Variants in MLLT3 observed in about 807,000 individuals in gnomAD.
The protein encoded by MLLT3 is MLLT3 super elongation complex subunit.
In MLLT3, 4 loss-of-function variants were observed where a neutral mutation model predicts 53.2. The observed-to-expected ratio is 0.08, with a 90% CI of 0.04 to 0.17. The LOEUF (loss-of-function observed/expected upper bound fraction) is 0.17. Ranked by LOEUF, MLLT3 falls within the 10% of genes least tolerant of loss-of-function variation. MLLT3 has a pLI of 1.00. For missense variants in MLLT3, 569 were observed against 684.0 expected (o/e 0.83, Z 1.87); for synonymous variants, 283 against 230.6 (o/e 1.23, Z -2.06).
chr9:20,516,307 G>C (rs1384181953), intron 2 of MLLT3, among the ~76,000 whole-genome samples: 1 of 152,026 alleles, frequency 6.6e-6, no homozygotes, highest in Non-Finnish European at 1.5e-5. Context: ...ACTCCAATCT[G>C]ATAGGCAGCC....
chr9:20,443,728 T>C (rs1266662613), intron 4 of MLLT3, among the ~76,000 whole-genome samples: 1 of 152,192 alleles, frequency 6.6e-6, no homozygotes, highest in Non-Finnish European at 1.5e-5. Flanking sequence ...CATCTGCTGA[T>C]ATTCTAAACT....
intron 5 of MLLT3, among the ~76,000 whole-genome samples, chr9:20,383,168 T>C (rs1437722036): frequency 6.6e-6 from 1 of 151,928 alleles, no homozygotes; most frequent in Non-Finnish European, 1.5e-5. Context: ...TTGTGTTGTA[T>C]ATATGCATAC....
chr9:20,505,576 T>TA (rs1346914979), intron 2 of MLLT3, among the ~76,000 whole-genome samples: 7 of 152,366 alleles, frequency 4.6e-5, no homozygotes, highest in Admixed American at 4.6e-4. Flanking sequence ...GGTTAGCCTA[T>TA]AAGTTCTAAA....
rs574169575 is a variant in MLLT3, at chr9:20,405,854, G to A, written c.1125+7867C>T. On this transcript the variant is annotated intron_variant, in intron 5 of 10. Transcript: ENST00000380338. ...TGGCCGGGTGTGGTGGCTCATGTCT[G>A]TAATCCCAGCACGTTGGGAGGCCAA... Among the ~76,000 whole-genome samples the A allele has an allele frequency of 8.5e-4, 130 of 152,242 alleles. 1 individual carries two copies. The highest frequency in any genetic ancestry group is 1.3e-3 in the Non-Finnish European group (86 of 68,018).
chr9:20,351,181 C>G (rs1821019787), intron 10 of MLLT3, among the ~76,000 whole-genome samples: 1 of 152,206 alleles, frequency 6.6e-6, no homozygotes, highest in Non-Finnish European at 1.5e-5. Flanking sequence ...GGAGGGTTCT[C>G]TGGGTTCTTA....
At chr9:20,600,142 A>T (rs1264110324) in intron 2 of MLLT3, among the ~76,000 whole-genome samples, 4 of 48,190 alleles carry the variant, frequency 8.3e-5, no homozygotes, top group Non-Finnish European at 2.0e-4. Context: ...AAAAAACAAA[A>T]AACAAAAAAA....
At chr9:20,551,614 A>C (rs1194644689) in intron 2 of MLLT3, among the ~76,000 whole-genome samples, 3 of 152,224 alleles carry the variant, frequency 2.0e-5, no homozygotes, top group Non-Finnish European at 2.9e-5. Flanking sequence ...GAAAGTGCTG[A>C]AATTCCAGAA....
chr9:20,608,872 C>A (rs1027716418), intron 2 of MLLT3, among the ~76,000 whole-genome samples: 4 of 151,996 alleles, frequency 2.6e-5, no homozygotes, highest in Admixed American at 2.6e-4. Flanking sequence ...TGATATCCCA[C>A]GTCCCAGAGA....
rs774693017 is a variant in MLLT3 at position 20,620,829 on chromosome 9, G to A, written c.18C>T (p.Ala6=). MASSC[A]VQVKLELGHR... is the part of the protein sequence containing the mutation. ...GCCCCAGCTCCAGCTTCACCTGCAC[G>A]GCACACTGCGGGCAGGGGGAGGAGA... The change falls in exon 2 of 11, where the codon GCC becomes GCT. Residue 6 remains alanine (A), a synonymous_variant. Transcript: ENST00000380338. This position sits in a 1 kb window ranked among gnomAD's most constrained non-coding sequence, Gnocchi z 6.1. The A allele has an allele frequency of 6.2e-6, 10 of 1,614,086 alleles. No homozygotes were observed. In the African/African-American group the frequency reaches 9.3e-5, roughly 15 times the overall value.
intron 2 of MLLT3, among the ~76,000 whole-genome samples, chr9:20,467,721 CAA>C (rs1432245867): frequency 3.3e-5 from 5 of 152,140 alleles, no homozygotes; most frequent in East Asian, 3.9e-4. Context: ...CCCAAATAAA[CAA>C]AGAGAACAGA....
chr9:20,414,145 T>C lies in MLLT3; in HGVS notation c.701A>G (p.Lys234Arg). 6.2e-7 allele frequency: 1 copy of C among 1,614,156 alleles called. No individual in the cohort carries two copies. The highest frequency in any genetic ancestry group is 8.5e-7 in the Non-Finnish European group (1 of 1,180,020). ...DHNKSSKESS[K>R]KPKENKPLKE... ...CAGTGGTTTATTTTCTTTGGGTTTC[T>C]TAGAGGATTCTTTGGAAGATTTGTT... is the stretch of plus-strand genomic sequence containing the variant. Residue 234 changes from lysine to arginine, a missense_variant, in exon 5 of 11, where the codon AAG (lysine) becomes AGG (arginine). By Grantham distance (26) the Lys-to-Arg change is conservative. Transcript: ENST00000380338.
At chr9:20,561,279 G>A (rs1227580781) in intron 2 of MLLT3, among the ~76,000 whole-genome samples, 2 of 151,766 alleles carry the variant, frequency 1.3e-5, no homozygotes, top group African/African-American at 2.4e-5. Flanking sequence ...AAAAAATGAG[G>A]GAAATCATTG....
At position 20,611,481 on chromosome 9, in the gene MLLT3, G is replaced by T. The variant is rs553454503; in HGVS notation, c.193+9173C>A. Among the ~76,000 whole-genome samples the T allele has an allele frequency of 5.3e-5, 8 of 151,224 alleles. No homozygotes were observed. In the South Asian group the frequency reaches 1.7e-3, roughly 32 times the overall value. Reference sequence around the variant, plus strand: ...ATAACTAATAATTTCTACTGGAAAGGAACAAAGAAAAAAAATCTAGTTTTG... The same window carrying T: ...ATAACTAATAATTTCTACTGGAAAGTAACAAAGAAAAAAAATCTAGTTTTG... On this transcript the variant is annotated intron_variant, in intron 2 of 10. Coordinates refer to ENST00000380338, the MANE Select transcript of MLLT3 (RefSeq NM_004529.4).
intron 2 of MLLT3, among the ~76,000 whole-genome samples, chr9:20,461,482 C>A (rs1824106464): frequency 6.6e-6 from 1 of 151,884 alleles, no homozygotes; most frequent in African/African-American, 2.4e-5. Flanking sequence ...TTAATATTCT[C>A]GTTTAGAAGT....
At chr9:20,506,079 C>CT (rs367556007) in intron 2 of MLLT3, among the ~76,000 whole-genome samples, 61,525 of 148,466 alleles carry the variant, frequency 0.41, 12,911 homozygotes, top group South Asian at 0.52. Context: ...TTTTTTCTCT[C>CT]TTTTTTTTTT....
intron 2 of MLLT3, among the ~76,000 whole-genome samples, chr9:20,568,074 A>G (rs1018840478): frequency 6.6e-6 from 1 of 152,194 alleles, no homozygotes; most frequent in African/African-American, 2.4e-5. Context: ...GTACTCATAA[A>G]TAAAGTAAAA....
chr9:20,499,355 T>G (rs946405167), intron 2 of MLLT3, among the ~76,000 whole-genome samples: 4 of 152,190 alleles, frequency 2.6e-5, no homozygotes, highest in Admixed American at 2.0e-4. Context: ...ATTTAGTGTT[T>G]AATATGTTTT....
chr9:20,369,230 A>G (rs563119107), intron 5 of MLLT3, among the ~76,000 whole-genome samples: 1 of 152,304 alleles, frequency 6.6e-6, no homozygotes, highest in South Asian at 2.1e-4. Flanking sequence ...CCTATATATG[A>G]GGAGATTCTG....
At chr9:20,384,032 C>T (rs942642662) in intron 5 of MLLT3, among the ~76,000 whole-genome samples, 5 of 152,076 alleles carry the variant, frequency 3.3e-5, no homozygotes, top group Admixed American at 3.3e-4. Context: ...AGAAGTTTTT[C>T]CTTTTGCAGA....
Sources: gnomAD v4.1 joint callset for allele counts (sites outside exome capture counted in the v4.1 genomes callset) on GRCh38, gnomAD v4.1.1 for gene constraint, Gnocchi (gnomAD v3.1) non-coding constraint, MANE v1.5 for transcripts, NCBI Gene and HGNC (gene_info 2026-07-23, HGNC 2026-07-21) for gene names.